Variants in ITPRID1 observed in about 807,000 individuals in gnomAD.
ITPRID1 encodes ITPR interacting domain containing 1, also known as protein ITPRID1.
A neutral mutation model predicts 95.4 loss-of-function variants in ITPRID1; 96 were observed. The observed-to-expected ratio is 1.01, with a 90% CI of 0.85 to 1.19. ITPRID1 has a LOEUF of 1.19. Among genes scored for constraint, ITPRID1 ranks in the 50% most tolerant of loss-of-function variants. The pLI, the probability that ITPRID1 is intolerant of heterozygous loss-of-function variation, is 0.00. For missense variants in ITPRID1, 1,339 were observed against 1,252.9 expected, an observed-to-expected ratio of 1.07 and a Z score of -1.04; for synonymous variants, 510 against 453.6, an observed-to-expected ratio of 1.12 and a Z score of -1.58.
intron 10 of ITPRID1, among the ~76,000 whole-genome samples, chr7:31,636,910 G>T (rs1789543907): frequency 8.9e-6 from 1 of 112,446 alleles, no homozygotes. Flanking sequence ...AACAGTCCCT[G>T]GTGTGTGATG....
intron 10 of ITPRID1, among the ~76,000 whole-genome samples, chr7:31,598,016 G>A (rs1786160613): frequency 6.6e-6 from 1 of 152,044 alleles, no homozygotes; most frequent in Non-Finnish European, 1.5e-5. Context: ...AGTGGAGAAA[G>A]GATAAACATA....
chr7:31,573,004 T>C (rs1785045627), intron 7 of ITPRID1, among the ~76,000 whole-genome samples: 1 of 152,202 alleles, frequency 6.6e-6, no homozygotes, highest in Non-Finnish European at 1.5e-5. Context: ...TTTAGATTTC[T>C]CACCAGAATT....
intron 10 of ITPRID1, among the ~76,000 whole-genome samples, chr7:31,598,063 A>T (rs1786163081): frequency 6.6e-6 from 1 of 152,332 alleles, no homozygotes; most frequent in Admixed American, 6.5e-5. Context: ...ATAGAAAAAA[A>T]TAGCAAATTA....
chr7:31,639,702 A>C (rs1025641436), intron 10 of ITPRID1, among the ~76,000 whole-genome samples: 3 of 151,626 alleles, frequency 2.0e-5, no homozygotes, highest in African/African-American at 7.3e-5. Context: ...ATGCCCGGCT[A>C]ATTTTTAGTA....
At chr7:31,573,444 G>A (rs1315179120) in intron 7 of ITPRID1, among the ~76,000 whole-genome samples, 1 of 151,948 alleles carries the variant, frequency 6.6e-6, no homozygotes, top group African/African-American at 2.4e-5. Context: ...GGTTGTATCT[G>A]GTAAGTGGGC....
At chr7:31,573,873 A>C (rs112662512) in intron 7 of ITPRID1, among the ~76,000 whole-genome samples, 12,121 of 150,844 alleles carry the variant, frequency 0.08, 637 homozygotes, top group Non-Finnish European at 0.11. Flanking sequence ...AATATATATA[A>C]AATTTTAATA....
intron 10 of ITPRID1, among the ~76,000 whole-genome samples, chr7:31,606,864 C>G (rs994059369): frequency 5.9e-5 from 9 of 152,092 alleles, no homozygotes; most frequent in African/African-American, 2.2e-4. Flanking sequence ...TCTCAATATA[C>G]TTTTTTCAAG....
chr7:31,629,472 AAC>A (rs146866756), intron 10 of ITPRID1, among the ~76,000 whole-genome samples: 397 of 152,342 alleles, frequency 2.6e-3, no homozygotes, highest in African/African-American at 6.3e-3. Context: ...GGGGAATAGA[AAC>A]AGTTATCATT....
chr7:31,630,129 A>G (rs890547866), intron 10 of ITPRID1, among the ~76,000 whole-genome samples: 1 of 151,148 alleles, frequency 6.6e-6, no homozygotes, highest in South Asian at 2.1e-4. Flanking sequence ...GGTGTTTGAA[A>G]TATGTTTGAA....
intron 2 of ITPRID1, among the ~76,000 whole-genome samples, chr7:31,549,832 A>G (rs1784224117): frequency 6.6e-6 from 1 of 152,192 alleles, no homozygotes; most frequent in South Asian, 2.1e-4. Flanking sequence ...CACAGTCTGT[A>G]TTCTCCTAGT....
chr7:31,651,058 A>G, intron 12 of ITPRID1, 84 bp from the exon 13 acceptor site: 1 of 1,485,048 alleles, frequency 6.7e-7, no homozygotes, highest in Non-Finnish European at 9.0e-7. Context: ...AGGGATCCCA[A>G]ATGGGAAGAC....
At chr7:31,550,207 T>A (rs2128135684) in intron 2 of ITPRID1, among the ~76,000 whole-genome samples, 1 of 152,164 alleles carries the variant, frequency 6.6e-6, no homozygotes, top group African/African-American at 2.4e-5. Context: ...CCTCTTTTTT[T>A]TTTTTTTTGG....
At chr7:31,641,274 C>T (rs1466203476) in intron 10 of ITPRID1, among the ~76,000 whole-genome samples, 1 of 152,190 alleles carries the variant, frequency 6.6e-6, no homozygotes, top group Non-Finnish European at 1.5e-5. Flanking sequence ...GTACCAAATA[C>T]TCAAGCATTG....
At chr7:31,535,120 A>G (rs67415885) in intron 1 of ITPRID1, among the ~76,000 whole-genome samples, 34,874 of 151,990 alleles carry the variant, frequency 0.23, 4,100 homozygotes, top group East Asian at 0.33. Flanking sequence ...TTTAATATGA[A>G]TTAATTTAAA....
chr7:31,583,825 A>C (rs1189693373), intron 10 of ITPRID1, among the ~76,000 whole-genome samples: 2 of 151,798 alleles, frequency 1.3e-5, no homozygotes, highest in Non-Finnish European at 2.9e-5. Context: ...GTACTTTTTC[A>C]CTCCTTCTAC....
chr7:31,523,951 G>T (rs985040549), intron 1 of ITPRID1, among the ~76,000 whole-genome samples: 1 of 152,008 alleles, frequency 6.6e-6, no homozygotes, highest in African/African-American at 2.4e-5. Flanking sequence ...TAAAAGTGTT[G>T]GTTCTTCTTG....
intron 10 of ITPRID1, among the ~76,000 whole-genome samples, chr7:31,623,217 C>A (rs1788092580): frequency 6.6e-6 from 1 of 152,100 alleles, no homozygotes; most frequent in African/African-American, 2.4e-5. Flanking sequence ...CTATTCCAAT[C>A]AATAGAAAAA....
At chr7:31,514,197 C>A (rs1782981461) in intron 1 of ITPRID1, 77 bp downstream of exon 1, 1 of 152,108 alleles carries the variant, frequency 6.6e-6, no homozygotes, top group African/African-American at 2.4e-5. Flanking sequence ...CCTCCTCCAA[C>A]TAAGGAAGGT....
At chr7:31,576,171 T>C (rs1161783237) in intron 8 of ITPRID1, among the ~76,000 whole-genome samples, 1 of 152,176 alleles carries the variant, frequency 6.6e-6, no homozygotes, top group African/African-American at 2.4e-5. Flanking sequence ...CACTCTAATT[T>C]CTACAACATA....
Sources: gnomAD v4.1 joint callset for allele counts (sites outside exome capture counted in the v4.1 genomes callset) on GRCh38, gnomAD v4.1.1 for gene constraint, MANE v1.5 for transcripts, NCBI Gene and HGNC (gene_info 2026-07-23, HGNC 2026-07-21) for gene names.